Variants in FANK1 observed in about 807,000 individuals in gnomAD.
FANK1 encodes fibronectin type 3 and ankyrin repeat domains protein 1.
A neutral mutation model predicts 45.3 loss-of-function variants in FANK1; 44 were observed. The ratio of observed to expected loss-of-function variants is 0.97; its 90% CI spans 0.76 to 1.25. The LOEUF is 1.25. FANK1 is among the 50% of genes most tolerant of loss of function. FANK1 has a pLI of 0.00. For synonymous variants in FANK1, 149 were observed against 152.5 expected (o/e 0.98, Z 0.17); for missense variants, 391 against 424.4 (o/e 0.92, Z 0.69).
At chr10:125,987,353 T>C (rs762600793) in intron 2 of FANK1, among the ~76,000 whole-genome samples, 11 of 152,034 alleles carry the variant, frequency 7.2e-5, no homozygotes, top group Non-Finnish European at 1.5e-4. Context: ...CAAAGAATGA[T>C]TCTGGTATCT....
chr10:125,942,176 C>G (rs1948492633), intron 1 of FANK1, among the ~76,000 whole-genome samples: 1 of 152,040 alleles, frequency 6.6e-6, no homozygotes, highest in Non-Finnish European at 1.5e-5. Flanking sequence ...AGATAAAATG[C>G]TAGGAGTAAA....
intron 1 of FANK1, among the ~76,000 whole-genome samples, chr10:125,934,745 TTTTTTTTTTTTTTTTTG>T (rs1947977266): frequency 1.4e-5 from 2 of 137,934 alleles, no homozygotes; most frequent in Non-Finnish European, 3.1e-5. Context: ...TTTTTTTTTT[TTTTTTTTTTTTTTTTTG>T]CAAATCACGA....
intron 1 of FANK1, among the ~76,000 whole-genome samples, chr10:125,907,899 TG>T (rs1945669099): frequency 6.6e-6 from 1 of 152,068 alleles, no homozygotes; most frequent in Non-Finnish European, 1.5e-5. Context: ...ACACCTTGCC[TG>T]CAACCTTGTG....
chr10:125,931,863 C>G (rs1227017994), intron 1 of FANK1, among the ~76,000 whole-genome samples: 1 of 152,104 alleles, frequency 6.6e-6, no homozygotes, highest in African/African-American at 2.4e-5. Flanking sequence ...GTCCTCAATC[C>G]ATCTTGAGTT....
chr10:125,953,610 G>T (rs1949391876), intron 1 of FANK1, among the ~76,000 whole-genome samples: 1 of 152,212 alleles, frequency 6.6e-6, no homozygotes, highest in Non-Finnish European at 1.5e-5. Flanking sequence ...GCTTGTGAAA[G>T]CCCTGAGATT....
At chr10:126,003,954 G>A (rs1201513265) in intron 6 of FANK1, among the ~76,000 whole-genome samples, 2 of 151,960 alleles carry the variant, frequency 1.3e-5, no homozygotes, top group African/African-American at 4.8e-5. Context: ...AGGATTACAG[G>A]GGTGAACCTC....
intron 1 of FANK1, among the ~76,000 whole-genome samples, chr10:125,940,414 T>A (rs1475423957): frequency 6.6e-6 from 1 of 152,148 alleles, no homozygotes; most frequent in East Asian, 1.9e-4. Context: ...GTAGGCCAGA[T>A]TTATGCTTTT....
chr10:125,982,927 T>C (rs560628812), intron 2 of FANK1, among the ~76,000 whole-genome samples: 21 of 152,192 alleles, frequency 1.4e-4, no homozygotes, highest in African/African-American at 4.1e-4. Flanking sequence ...TTTTTTTTTT[T>C]TCTCATCATT....
At position 125,905,028 on chromosome 10, in the gene FANK1, G is replaced by A. The variant is rs1945369888; in HGVS notation, c.13+8373G>A. Among the ~76,000 whole-genome samples the A allele has an allele frequency of 3.3e-5, 5 of 151,162 alleles. 1 individual carries two copies. In the South Asian group the frequency reaches 1.0e-3, roughly 32 times the overall value. On this transcript the variant is annotated intron_variant, in intron 1 of 10. Coordinates refer to ENST00000368693, the MANE Select transcript of FANK1 (RefSeq NM_145235.5). ...CGCCTGTAGTCCCAGCTACCAGGGA[G>A]GCTGAGACAGGAGAATGGTGTGAAC...
rs537332444 is a variant in FANK1 at position 125,997,890 on chromosome 10, G to A, written c.539+405G>A. On this transcript the variant is annotated intron_variant, in intron 6 of 10. Transcript: ENST00000368693. ...CCTCATTCATTGCTAAGAAATCTTC[G>A]TTGTTTCTAAAGAAGCAGACAGAAA... 1.6e-4 allele frequency among the ~76,000 whole-genome samples: 25 copies of A among 152,306 alleles called. No homozygotes were observed. The South Asian group carries it at 2.9e-3, about 18-fold the overall frequency.
intron 1 of FANK1, among the ~76,000 whole-genome samples, chr10:125,940,013 C>T (rs1589950095): frequency 6.6e-6 from 1 of 151,800 alleles, no homozygotes; most frequent in East Asian, 1.9e-4. Context: ...TCACTGCAAC[C>T]TCCACCTCTT....
chr10:125,914,986 G>A (rs1169102010), intron 1 of FANK1, among the ~76,000 whole-genome samples: 4 of 152,138 alleles, frequency 2.6e-5, no homozygotes, highest in African/African-American at 9.7e-5. Context: ...GGGAATGGTC[G>A]GGAGAGACTG....
intron 1 of FANK1, chr10:125,960,522 C>G (rs1410403459): frequency 6.4e-6 from 1 of 157,334 alleles, no homozygotes; most frequent in African/African-American, 2.4e-5. Context: ...CCAAAGCAAT[C>G]TACAGATTCA....
intron 1 of FANK1, among the ~76,000 whole-genome samples, chr10:125,926,316 G>GT (rs539590257): frequency 3.2e-4 from 48 of 151,422 alleles, no homozygotes; most frequent in Admixed American, 1.4e-3. Flanking sequence ...TGCACTTTTA[G>GT]TTTTTTTTGT....
At chr10:125,942,133 G>T (rs1166297445) in intron 1 of FANK1, among the ~76,000 whole-genome samples, 1 of 152,202 alleles carries the variant, frequency 6.6e-6, no homozygotes, top group African/African-American at 2.4e-5. Context: ...TATATAAAGA[G>T]TAATCAGAGT....
rs183334144 is a variant in FANK1 at position 125,954,206 on chromosome 10, T to C, written c.14-25955T>C. ...GAGCCATTGCGACAGGAGGGGTAAT[T>C]TACAGAGCGGGTAGCAGATGTGGGC... On this transcript the variant is annotated intron_variant, in intron 1 of 10. Coordinates refer to ENST00000368693, the MANE Select transcript of FANK1 (RefSeq NM_145235.5). 2.1e-3 allele frequency among the ~76,000 whole-genome samples: 314 copies of C among 152,226 alleles called. No homozygotes were observed. In the Middle Eastern group the frequency reaches 0.027, roughly 13 times the overall value.
intron 5 of FANK1, among the ~76,000 whole-genome samples, chr10:125,996,913 T>C (rs924455615): frequency 6.6e-6 from 1 of 152,142 alleles, no homozygotes; most frequent in Admixed American, 6.5e-5. Flanking sequence ...GAATTCAATT[T>C]TTTTTTTTTA....
intron 5 of FANK1, among the ~76,000 whole-genome samples, chr10:125,996,958 T>C (rs935902416): frequency 2.0e-5 from 3 of 152,182 alleles, no homozygotes; most frequent in African/African-American, 4.8e-5. Context: ...GAAAACTTTC[T>C]GCTAGGTTGC....
At chr10:125,946,220 C>T (rs1323252945) in intron 1 of FANK1, among the ~76,000 whole-genome samples, 22 of 152,114 alleles carry the variant, frequency 1.4e-4, no homozygotes, top group East Asian at 7.7e-4. Context: ...TCCAAAGGAA[C>T]GCAGTTCCTC....
Sources: allele counts gnomAD v4.1 joint callset (sites outside exome capture counted in the v4.1 genomes callset), GRCh38; gene constraint gnomAD v4.1.1; transcripts MANE v1.5; gene names NCBI Gene and HGNC (gene_info 2026-07-23, HGNC 2026-07-21).